VSNL1: variants seen among roughly 807,000 people sequenced by gnomAD.
VSNL1 encodes the protein visinin like 1, also known as visinin-like protein 1.
In VSNL1, 6 loss-of-function variants were observed where a neutral mutation model predicts 20.4. The ratio of observed to expected loss-of-function variants is 0.29; its 90% CI spans 0.16 to 0.58. The LOEUF (loss-of-function observed/expected upper bound fraction) is 0.58, where lower values mean the gene tolerates loss of function less well. Ranked by LOEUF, VSNL1 falls within the 20% of genes least tolerant of loss-of-function variation. VSNL1 has a pLI of 0.90. For synonymous variants in VSNL1, 93 were observed against 86.4 expected (o/e 1.08, Z -0.42); for missense variants, 100 against 234.5 (o/e 0.43, Z 3.75).
Position 17,649,483 on chromosome 2 carries a change from C to G in VSNL1, c.236C>G (p.Thr79Ser). 1.2e-6 allele frequency: 2 copies of G among 1,614,170 alleles called. No individual in the cohort carries two copies. The highest frequency in any genetic ancestry group is 1.7e-6 in the Non-Finnish European group (2 of 1,180,030). Reference sequence around the variant, plus strand: ...ACCTTCGACAAGAATGGGGACGGCACCATTGACTTCCGAGAGTTCATCTGC... The same window carrying G: ...ACCTTCGACAAGAATGGGGACGGCAGCATTGACTTCCGAGAGTTCATCTGC... ...FRTFDKNGDGTIDFREFICAL... is the reference protein window; with the variant it reads ...FRTFDKNGDGSIDFREFICAL... The change falls in exon 3 of 4, where the codon ACC becomes AGC. Residue 79 changes from threonine (T) to serine (S), a missense_variant. Transcript: ENST00000295156. This position sits in a 1 kb window ranked among gnomAD's most constrained non-coding sequence, Gnocchi z 6.4.
intron 1 of VSNL1, among the ~76,000 whole-genome samples, chr2:17,548,994 A>C (rs1442864984): frequency 2.6e-5 from 4 of 152,206 alleles, no homozygotes; most frequent in Non-Finnish European, 4.4e-5. Context: ...GGTGCTCTTC[A>C]TAAATAATGT....
chr2:17,643,913 C>T (rs57203805), intron 2 of VSNL1, among the ~76,000 whole-genome samples: 41,902 of 151,996 alleles, frequency 0.28, 6,389 homozygotes, highest in Non-Finnish European at 0.34. Flanking sequence ...ACAAGGGAGC[C>T]GGGGGACCAG....
chr2:17,605,876 T>C lies in VSNL1; in HGVS notation c.162+13640T>C, dbSNP rs573380924. Among the ~76,000 whole-genome samples the C allele has an allele frequency of 2.0e-5, 3 of 152,296 alleles. No homozygotes were observed. In the East Asian group the frequency reaches 5.8e-4, roughly 29 times the overall value. On this transcript the variant is annotated intron_variant, in intron 2 of 3. Coordinates refer to ENST00000295156, the MANE Select transcript of VSNL1 (RefSeq NM_003385.5). ...TACTTTACGTCCTTTCTAAAGTAAATCAAAGGATGACTAGATGCATAGATG... is the reference window on the plus strand; with the variant it reads ...TACTTTACGTCCTTTCTAAAGTAAACCAAAGGATGACTAGATGCATAGATG...
In VSNL1 at chr2:17,656,336, C is replaced by A. The variant is rs1028461853; in HGVS notation, c.*942C>A. 5.9e-5 allele frequency: 9 copies of A among 152,168 alleles called. No homozygotes were observed. The highest frequency in any genetic ancestry group is 1.9e-4 in the African/African-American group (8 of 41,498). The allele number at this position is 152,168 out of a possible 1,614,324, so 9.4% of individuals were successfully genotyped here. ...AACTTTCCAACTTTTCATCCAGGCT[C>A]CCAAAAGAGGGACAACGAACATGGC... On this transcript the variant is annotated 3_prime_UTR_variant, in exon 4 of 4. Coordinates refer to ENST00000295156, the MANE Select transcript of VSNL1 (RefSeq NM_003385.5).
chr2:17,641,400 A>G (rs1290662949), intron 2 of VSNL1, among the ~76,000 whole-genome samples: 1 of 152,172 alleles, frequency 6.6e-6, no homozygotes, highest in Non-Finnish European at 1.5e-5. Context: ...AATAAAAACA[A>G]TCTTTCCAGT....
intron 1 of VSNL1, among the ~76,000 whole-genome samples, chr2:17,567,152 T>C (rs558203158): frequency 1.3e-5 from 2 of 152,270 alleles, no homozygotes; most frequent in East Asian, 1.9e-4. Flanking sequence ...TAGAATTGAA[T>C]TGAGTGTTTA....
intron 1 of VSNL1, among the ~76,000 whole-genome samples, chr2:17,584,330 G>A (rs1490664338): frequency 6.6e-6 from 1 of 152,118 alleles, no homozygotes; most frequent in Non-Finnish European, 1.5e-5. Flanking sequence ...TATGGCTTGG[G>A]TCTAAGTCAT....
intron 1 of VSNL1, among the ~76,000 whole-genome samples, chr2:17,569,337 T>A (rs948471606): frequency 2.6e-5 from 4 of 151,122 alleles, no homozygotes; most frequent in African/African-American, 7.3e-5. Context: ...AATAAATAAA[T>A]TAAATAAAAT....
chr2:17,602,721 C>CA (rs1246609106), intron 2 of VSNL1, among the ~76,000 whole-genome samples: 6 of 151,748 alleles, frequency 4.0e-5, no homozygotes, highest in Admixed American at 3.9e-4. Flanking sequence ...AGCTGGAAGA[C>CA]AGAGTAAGAC....
At chr2:17,575,642 T>A (rs1664192522) in intron 1 of VSNL1, among the ~76,000 whole-genome samples, 1 of 152,138 alleles carries the variant, frequency 6.6e-6, no homozygotes, top group Non-Finnish European at 1.5e-5. Context: ...TTCAAGCGAT[T>A]CTCCTGCCTC....
intron 1 of VSNL1, among the ~76,000 whole-genome samples, chr2:17,548,476 G>A (rs770905594): frequency 7.6e-4 from 115 of 152,212 alleles, no homozygotes; most frequent in Non-Finnish European, 9.6e-4. Flanking sequence ...TAGGGTTATT[G>A]TTCTAATTAA....
intron 1 of VSNL1, among the ~76,000 whole-genome samples, chr2:17,548,824 G>C (rs1417855305): frequency 6.6e-6 from 1 of 152,142 alleles, no homozygotes; most frequent in Admixed American, 6.6e-5. Context: ...TAGAAAGCGT[G>C]TGCTAACTGA....
At chr2:17,622,183 A>G (rs1459787946) in intron 2 of VSNL1, among the ~76,000 whole-genome samples, 1 of 150,990 alleles carries the variant, frequency 6.6e-6, no homozygotes, top group Non-Finnish European at 1.5e-5. Context: ...ACCTCTGAAC[A>G]TGAACATAAA....
Position 17,649,433 on chromosome 2 carries a change from C to T in VSNL1, c.186C>T (p.Ser62=). Residue 62 remains serine (S), a synonymous_variant, in exon 3 of 4, where the codon TCC becomes TCT. Transcript: ENST00000295156. This position sits in a 1 kb window ranked among gnomAD's most constrained non-coding sequence, Gnocchi z 6.4. ...YVKFFPYGDA[S]KFAQHAFRTF... Reference sequence around the variant, plus strand: ...AGTTCTTTCCTTATGGAGACGCCTCCAAGTTTGCCCAGCATGCCTTCCGAA... The same window carrying T: ...AGTTCTTTCCTTATGGAGACGCCTCTAAGTTTGCCCAGCATGCCTTCCGAA... The T allele has an allele frequency of 6.2e-7, 1 of 1,614,208 alleles. No homozygotes were observed. The highest frequency in any genetic ancestry group is 8.5e-7 in the Non-Finnish European group (1 of 1,180,040).
chr2:17,647,292 C>T (rs933884072), intron 2 of VSNL1, among the ~76,000 whole-genome samples: 1 of 152,122 alleles, frequency 6.6e-6, no homozygotes, highest in African/African-American at 2.4e-5. Flanking sequence ...ATGGAGGTTT[C>T]GTGCCCACTG....
At chr2:17,646,055 T>C (rs573411026) in intron 2 of VSNL1, among the ~76,000 whole-genome samples, 5 of 152,346 alleles carry the variant, frequency 3.3e-5, no homozygotes, top group African/African-American at 1.2e-4. Flanking sequence ...TAAAATTTTA[T>C]ACTTCTTTAT....
intron 1 of VSNL1, among the ~76,000 whole-genome samples, chr2:17,541,990 A>C (rs1335746509): frequency 6.6e-6 from 1 of 152,224 alleles, no homozygotes; most frequent in Non-Finnish European, 1.5e-5. Flanking sequence ...GGAAACTAAA[A>C]TAAAATAGAA....
At chr2:17,636,065 C>G (rs61126185) in intron 2 of VSNL1, among the ~76,000 whole-genome samples, 2,034 of 152,136 alleles carry the variant, frequency 0.013, 24 homozygotes, top group African/African-American at 0.031. Context: ...GGAAAGAGCT[C>G]TTCCCCAGAG....
At position 17,649,383 on chromosome 2, in the gene VSNL1, C is replaced by T; in HGVS notation, c.163-27C>T. On this transcript the variant is annotated intron_variant, in intron 2 of 3. Coordinates refer to ENST00000295156, the MANE Select transcript of VSNL1 (RefSeq NM_003385.5). This position sits in a 1 kb window ranked among gnomAD's most constrained non-coding sequence, Gnocchi z 6.4. ...GCCCCGATTCCATCCCCTCCCGACA[C>T]CTGACTGCGCGTGTTCTCCTTTGCA... The T allele has an allele frequency of 6.2e-7, 1 of 1,611,388 alleles. No homozygotes were observed. Among genetic ancestry groups the T allele is most frequent in the Non-Finnish European group, 8.5e-7 (1 of 1,177,518 alleles).
Sources: gnomAD v4.1 joint callset for allele counts (sites outside exome capture counted in the v4.1 genomes callset) on GRCh38, gnomAD v4.1.1 for gene constraint, Gnocchi (gnomAD v3.1) non-coding constraint, MANE v1.5 for transcripts, NCBI Gene and HGNC (gene_info 2026-07-23, HGNC 2026-07-21) for gene names.